The following PDE1A variants were observed in gnomAD, a reference collection of about 807,000 sequenced individuals.
PDE1A encodes the protein phosphodiesterase 1A.
Under a neutral mutation model 61.7 loss-of-function variants are expected in PDE1A, and 35 were observed. That is an observed-to-expected ratio of 0.57 (90% CI 0.43 to 0.75). The LOEUF is 0.75. Ranked by LOEUF, PDE1A falls within the 30% of genes least tolerant of loss-of-function variation. The probability of loss-of-function intolerance (pLI) is 0.00; values close to 1 mark genes in which losing one functional copy is unlikely to be tolerated. For synonymous variants in PDE1A, 232 were observed against 213.2 expected, an observed-to-expected ratio of 1.09 and a Z score of -0.77; for missense variants, 597 against 630.6, an observed-to-expected ratio of 0.95 and a Z score of 0.57.
At chr2:182,186,374 A>G (rs1685206235) in intron 12 of PDE1A, 94 bp downstream of exon 12, 1 of 1,413,694 alleles carries the variant, frequency 7.1e-7, no homozygotes, top group Non-Finnish European at 9.8e-7. Context: ...TCTTGTGAGA[A>G]TTCTCTGCCT....
the PDE1A span, among the ~76,000 whole-genome samples, chr2:182,611,362 C>G: frequency 6.6e-6 from 1 of 152,160 alleles, no homozygotes; most frequent in East Asian, 1.9e-4. Flanking sequence ...ACAAACCACC[C>G]CTTCCCAAAA....
At chr2:182,321,177 A>T (rs1392391344) in intron 1 of PDE1A, among the ~76,000 whole-genome samples, 3 of 152,196 alleles carry the variant, frequency 2.0e-5, no homozygotes, top group African/African-American at 7.2e-5. Context: ...ATCATTAAAA[A>T]CAGGAATAAT....
intron 1 of PDE1A, among the ~76,000 whole-genome samples, chr2:182,321,716 T>C (rs752450438): frequency 6.6e-6 from 1 of 152,158 alleles, no homozygotes; most frequent in Non-Finnish European, 1.5e-5. Flanking sequence ...AGGACTTGCA[T>C]CTAGAAGGAT....
chr2:182,183,358 A>G (rs1343008398), intron 13 of PDE1A, among the ~76,000 whole-genome samples: 1 of 152,214 alleles, frequency 6.6e-6, no homozygotes, highest in African/African-American at 2.4e-5. Flanking sequence ...ACATTCAGGT[A>G]AAAACAGCAG....
the PDE1A span, among the ~76,000 whole-genome samples, chr2:182,625,026 ATAGATT>A: frequency 2.0e-5 from 3 of 152,086 alleles, no homozygotes; most frequent in South Asian, 6.2e-4. Flanking sequence ...AGGTGATTAG[ATAGATT>A]TAGATGAGAT....
chr2:182,248,698 C>G (rs965360534), intron 2 of PDE1A, among the ~76,000 whole-genome samples: 3 of 152,086 alleles, frequency 2.0e-5, no homozygotes, highest in African/African-American at 4.8e-5. Context: ...ACAGTGGACT[C>G]TTGGAAAATG....
the PDE1A span, among the ~76,000 whole-genome samples, chr2:182,613,712 G>A: frequency 6.6e-6 from 1 of 152,104 alleles, no homozygotes; most frequent in Non-Finnish European, 1.5e-5. Flanking sequence ...AATACACTAT[G>A]GTTTCAAATC....
the PDE1A span, among the ~76,000 whole-genome samples, chr2:182,539,181 G>C: frequency 6.6e-5 from 10 of 152,110 alleles, no homozygotes; most frequent in Non-Finnish European, 2.9e-5. Flanking sequence ...GTTTCATAGA[G>C]ATAGGGTTTC....
chr2:182,338,447 A>T (rs890143571), intron 1 of PDE1A, among the ~76,000 whole-genome samples: 2 of 152,206 alleles, frequency 1.3e-5, no homozygotes, highest in Non-Finnish European at 2.9e-5. Context: ...TACCTATGTA[A>T]TCAAAACCAC....
the PDE1A span, among the ~76,000 whole-genome samples, chr2:182,564,358 T>C: frequency 1.3e-5 from 2 of 152,206 alleles, no homozygotes; most frequent in African/African-American, 2.4e-5. Flanking sequence ...AAAATTCTTT[T>C]CTTTAAGAAT....
intron 1 of PDE1A, among the ~76,000 whole-genome samples, chr2:182,349,144 C>T (rs1698704654): frequency 6.6e-6 from 1 of 152,122 alleles, no homozygotes; most frequent in Admixed American, 6.6e-5. Context: ...TTAGAAAGCT[C>T]TTTGCTGTGG....
intron 1 of PDE1A, among the ~76,000 whole-genome samples, chr2:182,375,665 T>C (rs1030972343): frequency 2.0e-5 from 3 of 152,212 alleles, no homozygotes; most frequent in Admixed American, 1.3e-4. Context: ...CCTCTTCTCA[T>C]AGCTCCACTA....
chr2:182,543,332 T>C, the PDE1A span, among the ~76,000 whole-genome samples: 1 of 152,226 alleles, frequency 6.6e-6, no homozygotes, highest in Non-Finnish European at 1.5e-5. Flanking sequence ...ATTCTACTCA[T>C]TGTAAGACAA....
the PDE1A span, among the ~76,000 whole-genome samples, chr2:182,694,823 G>T: frequency 2.1e-5 from 2 of 93,568 alleles, no homozygotes; most frequent in African/African-American, 6.3e-5. Context: ...GAAAAAAAAA[G>T]GTGGGGGGGG....
chr2:182,143,900 G>C (rs1032427202), downstream of PDE1A, among the ~76,000 whole-genome samples: 1 of 152,086 alleles, frequency 6.6e-6, no homozygotes, highest in African/African-American at 2.4e-5. Flanking sequence ...GTGTGTGTGC[G>C]TGTGTTTGTA....
chr2:182,440,370 GACGCA>G (rs1684709255), intron 2 of PDE1A, among the ~76,000 whole-genome samples: 1 of 151,958 alleles, frequency 6.6e-6, no homozygotes, highest in Non-Finnish European at 1.5e-5. Flanking sequence ...TACATTCTGG[GACGCA>G]ATTATCAAAA....
intron 2 of PDE1A, among the ~76,000 whole-genome samples, chr2:182,481,396 A>C (rs765708504): frequency 6.6e-6 from 1 of 151,956 alleles, no homozygotes; most frequent in Admixed American, 6.6e-5. Flanking sequence ...GCTCACTAGC[A>C]TACTGATGAA....
At chr2:182,241,961 T>C (rs1207329392) in intron 2 of PDE1A, 6 of 1,496,520 alleles carry the variant, frequency 4.0e-6, no homozygotes, top group East Asian at 2.5e-5. Flanking sequence ...CTAAACTTCA[T>C]GGCTTGAAAA....
At chr2:182,274,778 G>A (rs1337326063) in intron 1 of PDE1A, among the ~76,000 whole-genome samples, 3 of 151,874 alleles carry the variant, frequency 2.0e-5, no homozygotes, top group Non-Finnish European at 4.4e-5. Context: ...ACTCATATTT[G>A]GTTTTACAGA....
Sources: allele counts gnomAD v4.1 joint callset (sites outside exome capture counted in the v4.1 genomes callset), GRCh38; gene constraint gnomAD v4.1.1; transcripts MANE v1.5; gene names NCBI Gene and HGNC (gene_info 2026-07-23, HGNC 2026-07-21).